COL6A2: variants seen among roughly 807,000 people sequenced by gnomAD.
COL6A2 encodes collagen alpha-2(VI) chain.
COL6A2 carries 90 observed loss-of-function variants against 124.9 expected under a neutral mutation model. That is an observed-to-expected ratio of 0.72 (90% CI 0.61 to 0.86). The LOEUF (loss-of-function observed/expected upper bound fraction) is 0.86. COL6A2 is among the 40% of genes least tolerant of loss of function. The probability of loss-of-function intolerance (pLI) is 0.00; values close to 1 mark genes in which losing one functional copy is unlikely to be tolerated. For missense variants in COL6A2, 1,607 were observed against 1,502.5 expected (o/e 1.07, Z -1.15); for synonymous variants, 793 against 618.2 (o/e 1.28, Z -4.19).
chr21:46,116,379 C>T lies in COL6A2; in HGVS notation c.903C>T (p.Gly301=), dbSNP rs541325013. ...EGPIGFPGPK[G]VPGFKGEKGE... ...CCCCTCTCTCCTCCTGCCCCCAGGGCGTTCCTGGCTTCAAAGGAGAGAAGG... is the reference window on the plus strand; with the variant it reads ...CCCCTCTCTCCTCCTGCCCCCAGGGTGTTCCTGGCTTCAAAGGAGAGAAGG... Residue 301 remains glycine (G), a splice_region_variant and synonymous_variant, in exon 8 of 28, where the codon GGC becomes GGT. Coordinates refer to ENST00000300527, the MANE Select transcript of COL6A2 (RefSeq NM_001849.4). The surrounding 1 kb of genome is among the most constrained non-coding windows in gnomAD (Gnocchi z 4.6). 68 of 1,613,092 alleles carry T rather than the reference C, an allele frequency of 4.2e-5. No homozygotes were observed. In the East Asian group the frequency reaches 5.6e-4, roughly 13 times the overall value.
In COL6A2 at chr21:46,116,828, C is replaced by T. The variant is rs761013382; in HGVS notation, c.999+14C>T. ...GATGGACAGAAGGTAGAGGGAGCCT[C>T]GGGCTCACAGCTGGACTGGTCTCAC... On this transcript the variant is annotated intron_variant, in intron 10 of 27. Transcript: ENST00000300527. This position sits in a 1 kb window ranked among gnomAD's most constrained non-coding sequence, Gnocchi z 4.6. 299 of 1,612,532 alleles carry T rather than the reference C, an allele frequency of 1.9e-4. No individual in the cohort carries two copies. Among genetic ancestry groups the T allele is most frequent in the Non-Finnish European group, 2.5e-4 (297 of 1,179,948 alleles).
At chr21:46,098,565 G>A (rs569913152) in intron 1 of COL6A2, among the ~76,000 whole-genome samples, 229 of 150,786 alleles carry the variant, frequency 1.5e-3, no homozygotes, top group African/African-American at 3.7e-3. Context: ...GTTCGGGTCC[G>A]GCTCCGGCCC....
chr21:46,129,305 C>T, intron 27 of COL6A2: 1 of 1,612,942 alleles, frequency 6.2e-7, no homozygotes, highest in Non-Finnish European at 8.5e-7. Context: ...TGCTAAACGC[C>T]ACGGAGCTCA....
In COL6A2 at chr21:46,108,109, T is replaced by A. The variant is rs988173496; in HGVS notation, c.-27-3341T>A. On this transcript the variant is annotated intron_variant, in intron 1 of 27. Coordinates refer to ENST00000300527, the MANE Select transcript of COL6A2 (RefSeq NM_001849.4). ...CTCTCTGTCTATATATATATATATTTTTTTTTCTCTTTTTTAAAAAAACTT... is the reference window on the plus strand; with the variant it reads ...CTCTCTGTCTATATATATATATATTATTTTTTCTCTTTTTTAAAAAAACTT... 3.2e-3 allele frequency among the ~76,000 whole-genome samples: 480 copies of A among 151,520 alleles called. 2 individuals carry two copies. The highest frequency in any genetic ancestry group is 0.01 in the African/African-American group (422 of 41,366).
At chr21:46,128,865 T>C (rs372245846) in intron 27 of COL6A2, 20 of 1,567,032 alleles carry the variant, frequency 1.3e-5, no homozygotes, top group African/African-American at 2.7e-5. Flanking sequence ...CCTGCGGCAC[T>C]GGAAGCCCTA....
chr21:46,120,692 G>A (rs1006479117), intron 16 of COL6A2, 115 bp downstream of exon 16: 1 of 1,032,968 alleles, frequency 9.7e-7, no homozygotes, highest in South Asian at 1.7e-5. Flanking sequence ...ACCCGGGTGG[G>A]TGCTGCACCC....
chr21:46,120,138 C>T (rs527736113), intron 15 of COL6A2, among the ~76,000 whole-genome samples: 9 of 150,392 alleles, frequency 6.0e-5, no homozygotes, highest in African/African-American at 1.2e-4. Context: ...CACTGAGGCA[C>T]CTCTTACCCC....
At chr21:46,123,054 G>A (rs2078592152) in intron 21 of COL6A2, 117 bp downstream of exon 21, 1 of 1,001,212 alleles carries the variant, frequency 1.0e-6, no homozygotes, top group South Asian at 1.3e-5. Context: ...CCCCAGCCAT[G>A]AGCACCACCC....
At chr21:46,131,250 G>A (rs2236492) in intron 27 of COL6A2, among the ~76,000 whole-genome samples, 22,533 of 152,274 alleles carry the variant, frequency 0.15, 1,766 homozygotes, top group African/African-American at 0.19. Flanking sequence ...ACACCCACAC[G>A]TGTGGTAGGC....
intron 13 of COL6A2, 35 bp from the exon 14 acceptor site, chr21:46,118,993 TGC>T: frequency 6.7e-7 from 1 of 1,497,508 alleles, no homozygotes; most frequent in Non-Finnish European, 9.3e-7. Flanking sequence ...TCAGGGCCCC[TGC>T]CTCTGGGTGA....
intron 21 of COL6A2, among the ~76,000 whole-genome samples, chr21:46,123,636 G>C (rs529474591): frequency 6.6e-6 from 1 of 151,998 alleles, no homozygotes; most frequent in African/African-American, 2.4e-5. Context: ...TGAGTGGGTG[G>C]GTGGATGGAT....
In COL6A2 at chr21:46,116,824, G is replaced by T. The variant is rs376378709; in HGVS notation, c.999+10G>T. The T allele has an allele frequency of 1.6e-5, 25 of 1,612,762 alleles. No homozygotes were observed. In the African/African-American group the frequency reaches 2.8e-4, roughly 18 times the overall value. On this transcript the variant is annotated intron_variant, in intron 10 of 27. Transcript: ENST00000300527. This position sits in a 1 kb window ranked among gnomAD's most constrained non-coding sequence, Gnocchi z 4.6. Reference sequence around the variant, plus strand: ...GACCGATGGACAGAAGGTAGAGGGAGCCTCGGGCTCACAGCTGGACTGGTC... The same window carrying T: ...GACCGATGGACAGAAGGTAGAGGGATCCTCGGGCTCACAGCTGGACTGGTC...
In COL6A2 at chr21:46,120,612, G is replaced by C. The variant is rs1325036450; in HGVS notation, c.1395+35G>C. 1.6e-5 allele frequency: 23 copies of C among 1,442,032 alleles called. 1 individual carries two copies. In the South Asian group the frequency reaches 3.1e-4, roughly 20 times the overall value. The allele number at this position is 1,442,032 out of a possible 1,614,324, so 89.3% of individuals were successfully genotyped here. ...CAGGGTGGGCCGCACCCCAAGGTAG[G>C]GGATCTGAGGGGGTGCAGGGGGGCT... is the stretch of plus-strand genomic sequence containing the variant. On this transcript the variant is annotated intron_variant, in intron 16 of 27. Coordinates refer to ENST00000300527, the MANE Select transcript of COL6A2 (RefSeq NM_001849.4).
rs1484186851 is a variant in COL6A2, at chr21:46,125,866, T to C, written c.2051T>C (p.Leu684Pro). 6.2e-7 allele frequency: 1 copy of C among 1,612,860 alleles called. No homozygotes were observed. The highest frequency in any genetic ancestry group is 8.5e-7 in the Non-Finnish European group (1 of 1,179,948). Residue 684 changes from leucine to proline, a missense_variant, in exon 26 of 28, where the codon CTG becomes CCG. Leu to Pro is a moderately conservative substitution (Grantham distance 98, BLOSUM62 -3). Transcript: ENST00000300527. ...IQLDDERIDS[L>P]SSFKEAVKNL... ...CTGGACGACGAACGTATCGACTCCC[T>C]GTCGAGCTTCAAGGAGGCTGTCAAG...
chr21:46,131,230 G>A (rs767027168), intron 27 of COL6A2, among the ~76,000 whole-genome samples: 32 of 152,216 alleles, frequency 2.1e-4, no homozygotes, highest in Non-Finnish European at 4.0e-4. Context: ...GTGGTCTCTG[G>A]CCCCACGTGA....
chr21:46,123,836 AGGAT>A (rs1185649080), intron 21 of COL6A2, among the ~76,000 whole-genome samples: 6 of 123,592 alleles, frequency 4.9e-5, no homozygotes, highest in East Asian at 6.9e-4. Flanking sequence ...GGGTGCATAA[AGGAT>A]GGATGGATGA....
chr21:46,121,743 C>T, intron 18 of COL6A2, 125 bp downstream of exon 18: 1 of 918,256 alleles, frequency 1.1e-6, no homozygotes, highest in East Asian at 2.6e-5. Flanking sequence ...CCTGTGCCTC[C>T]TGTTCTCAGC....
rs1279365835 is a variant in COL6A2, at chr21:46,112,569, A to G, written c.706A>G (p.Lys236Glu). The change falls in exon 3 of 28, where the codon AAG becomes GAG. Residue 236 changes from lysine (K) to glutamate (E), a missense_variant. Transcript: ENST00000300527. Reference protein sequence around the residue: ...IDQDTINRIIKVMKHEAYGEC... With the variant: ...IDQDTINRIIEVMKHEAYGEC... ...CCAGGACACCATCAACCGCATCATC[A>G]AGGTCATGGTGAGCCGCGGGCGGGA... 2.5e-6 allele frequency: 4 copies of G among 1,611,606 alleles called. No individual in the cohort carries two copies. The highest frequency in any genetic ancestry group is 3.4e-6 in the Non-Finnish European group (4 of 1,179,782).
At chr21:46,118,986 G>A (rs1295692491) in intron 13 of COL6A2, 44 bp from the exon 14 acceptor site, 1 of 1,454,880 alleles carries the variant, frequency 6.9e-7, no homozygotes, top group Non-Finnish European at 9.7e-7. Context: ...CCATGCCTCA[G>A]GGCCCCTGCC....
Sources: allele counts gnomAD v4.1 joint callset (sites outside exome capture counted in the v4.1 genomes callset), GRCh38; gene constraint gnomAD v4.1.1; non-coding constraint Gnocchi (gnomAD v3.1); transcripts MANE v1.5; gene names NCBI Gene and HGNC (gene_info 2026-07-23, HGNC 2026-07-21).